COL21A1: variants seen among roughly 807,000 people sequenced by gnomAD.
The protein encoded by COL21A1 is collagen type XXI alpha 1 chain, also known as collagen alpha-1(XXI) chain.
In COL21A1, 149 loss-of-function variants were observed where a neutral mutation model predicts 137.9. That is an observed-to-expected ratio of 1.08 (90% CI 0.95 to 1.24). The LOEUF (loss-of-function observed/expected upper bound fraction) is 1.24. Ranked by LOEUF, COL21A1 falls within the 50% of genes most tolerant of loss-of-function variation. COL21A1 has a pLI of 0.00. For missense variants in COL21A1, 1,167 were observed against 1,158.4 expected (o/e 1.01, Z -0.11); for synonymous variants, 456 against 391.5 (o/e 1.16, Z -1.95).
At chr6:56,264,504 A>G (rs1763352630) in intron 1 of COL21A1, among the ~76,000 whole-genome samples, 1 of 151,986 alleles carries the variant, frequency 6.6e-6, no homozygotes, top group South Asian at 2.1e-4. Flanking sequence ...ATCCTAAACA[A>G]TCTCCTCCTT....
chr6:56,095,426 C>T (rs748025992), intron 17 of COL21A1, among the ~76,000 whole-genome samples: 1 of 152,166 alleles, frequency 6.6e-6, no homozygotes, highest in Non-Finnish European at 1.5e-5. Context: ...TCTGACCACT[C>T]TCACTTTAGT....
chr6:56,067,474 A>G (rs924567963), intron 22 of COL21A1, 144 bp from the exon 23 acceptor site: 32 of 571,294 alleles, frequency 5.6e-5, no homozygotes, highest in African/African-American at 5.6e-4. Context: ...GACTCCTAAC[A>G]CAATACTTGG....
chr6:56,298,191 C>T (rs1051667494), intron 1 of COL21A1, among the ~76,000 whole-genome samples: 27 of 151,614 alleles, frequency 1.8e-4, no homozygotes, highest in African/African-American at 6.5e-4. Context: ...GAAGGGAATA[C>T]TCCGGAAGAT....
intron 1 of COL21A1, among the ~76,000 whole-genome samples, chr6:56,192,464 T>A (rs910503238): frequency 3.3e-5 from 5 of 149,842 alleles, no homozygotes; most frequent in African/African-American, 9.9e-5. Flanking sequence ...ATATCCAGAA[T>A]CTACATAGAA....
At chr6:56,058,996 GGAT>G (rs1173287824) in intron 29 of COL21A1, among the ~76,000 whole-genome samples, 166 bp downstream of exon 29, 1 of 152,106 alleles carries the variant, frequency 6.6e-6, no homozygotes, top group Non-Finnish European at 1.5e-5. Flanking sequence ...CATAAATTGA[GGAT>G]AATATATGAA....
intron 1 of COL21A1, among the ~76,000 whole-genome samples, chr6:56,310,145 C>T (rs1471204336): frequency 2.6e-5 from 4 of 152,228 alleles, no homozygotes; most frequent in Middle Eastern, 3.4e-3. Context: ...GGGAAGAAGA[C>T]ACTAAACATC....
chr6:56,081,678 A>C (rs1165645806), intron 17 of COL21A1, among the ~76,000 whole-genome samples: 2 of 151,838 alleles, frequency 1.3e-5, no homozygotes, highest in Non-Finnish European at 2.9e-5. Context: ...ATATACAAGT[A>C]CTTGCAATAA....
intron 12 of COL21A1, among the ~76,000 whole-genome samples, chr6:56,127,843 G>T (rs1047648134): frequency 2.7e-4 from 41 of 152,144 alleles, no homozygotes; most frequent in African/African-American, 9.7e-4. Flanking sequence ...CTTGTTTCCA[G>T]TGTCTTGAAG....
intron 1 of COL21A1, chr6:56,276,441 A>G: frequency 1.6e-6 from 1 of 615,798 alleles, no homozygotes; most frequent in Non-Finnish European, 2.8e-6. Context: ...AAAGTCAACA[A>G]AAGTCTTTCT....
intron 3 of COL21A1, among the ~76,000 whole-genome samples, chr6:56,178,891 A>G (rs986181639): frequency 6.6e-6 from 1 of 152,130 alleles, no homozygotes; most frequent in Non-Finnish European, 1.5e-5. Context: ...TAAAAATGTC[A>G]GTAATTTGAA....
chr6:56,217,494 A>T (rs550160475), intron 1 of COL21A1, among the ~76,000 whole-genome samples: 1 of 152,244 alleles, frequency 6.6e-6, no homozygotes, highest in African/African-American at 2.4e-5. Flanking sequence ...AATTTTCCTC[A>T]AAAACATAAA....
At chr6:56,112,831 T>C (rs1771571762) in intron 16 of COL21A1, among the ~76,000 whole-genome samples, 2 of 151,952 alleles carry the variant, frequency 1.3e-5, no homozygotes, top group African/African-American at 4.8e-5. Flanking sequence ...ATTAGAGGCA[T>C]GCACCACCAT....
intron 1 of COL21A1, among the ~76,000 whole-genome samples, chr6:56,193,562 C>T (rs1330852639): frequency 9.9e-5 from 15 of 152,066 alleles, no homozygotes; most frequent in Admixed American, 9.8e-4. Context: ...GGGTAACAGA[C>T]ATAGGCTACA....
intron 10 of COL21A1, among the ~76,000 whole-genome samples, chr6:56,149,550 G>C (rs1001134667): frequency 2.6e-5 from 4 of 152,088 alleles, no homozygotes; most frequent in Non-Finnish European, 5.9e-5. Context: ...ATATCCATCT[G>C]CCTACCTAAA....
chr6:56,322,999 A>G (rs965915427), intron 1 of COL21A1, among the ~76,000 whole-genome samples: 3 of 152,032 alleles, frequency 2.0e-5, no homozygotes, highest in Non-Finnish European at 4.4e-5. Context: ...GTGGAATAAT[A>G]GACACTGGAG....
intron 1 of COL21A1, among the ~76,000 whole-genome samples, chr6:56,277,322 G>A (rs576187145): frequency 2.0e-5 from 3 of 152,220 alleles, no homozygotes; most frequent in African/African-American, 7.2e-5. Context: ...AGGCCCCGGT[G>A]TGCGATGTTC....
intron 17 of COL21A1, among the ~76,000 whole-genome samples, chr6:56,096,697 T>C (rs937856586): frequency 6.6e-6 from 1 of 152,162 alleles, no homozygotes; most frequent in Non-Finnish European, 1.5e-5. Flanking sequence ...CAGGGATGAA[T>C]CACCATTAAA....
chr6:56,114,192 T>C (rs2152193620), intron 16 of COL21A1, among the ~76,000 whole-genome samples: 1 of 152,248 alleles, frequency 6.6e-6, no homozygotes, highest in East Asian at 1.9e-4. Context: ...CTGCTGATTG[T>C]AGGGTCATAG....
chr6:56,240,345 A>G (rs1002648255), intron 1 of COL21A1, among the ~76,000 whole-genome samples: 1 of 152,102 alleles, frequency 6.6e-6, no homozygotes. Context: ...ATGAGGCGCC[A>G]CCCTGGAAGC....
Sources: gnomAD v4.1 joint callset for allele counts (sites outside exome capture counted in the v4.1 genomes callset) on GRCh38, gnomAD v4.1.1 for gene constraint, MANE v1.5 for transcripts, NCBI Gene and HGNC (gene_info 2026-07-23, HGNC 2026-07-21) for gene names.